The following ASXL2 variants were observed in gnomAD, a reference collection of about 807,000 sequenced individuals.
The protein encoded by ASXL2 is putative Polycomb group protein ASXL2.
A neutral mutation model predicts 122.0 loss-of-function variants in ASXL2; 23 were observed. The observed-to-expected ratio is 0.19, with a 90% CI of 0.14 to 0.27. ASXL2 has a LOEUF of 0.27. ASXL2 is among the 10% of genes least tolerant of loss of function. The probability of loss-of-function intolerance (pLI) is 1.00; values close to 1 mark genes in which losing one functional copy is unlikely to be tolerated. For missense variants in ASXL2, 1,518 were observed against 1,713.8 expected (o/e 0.89, Z 2.02); for synonymous variants, 650 against 637.0 (o/e 1.02, Z -0.31).
chr2:25,854,387 AT>A (rs1485573492), intron 1 of ASXL2, among the ~76,000 whole-genome samples: 1 of 152,066 alleles, frequency 6.6e-6, no homozygotes, highest in Non-Finnish European at 1.5e-5. Flanking sequence ...CTATCAGCCC[AT>A]TTTTTTTCAG....
At chr2:25,771,067 C>G (rs2088442731) in intron 6 of ASXL2, among the ~76,000 whole-genome samples, 1 of 152,002 alleles carries the variant, frequency 6.6e-6, no homozygotes, top group Non-Finnish European at 1.5e-5. Context: ...GAAACCCTGT[C>G]TCTACTAAAA....
At chr2:25,821,776 TAAG>T (rs2149181798) in intron 3 of ASXL2, among the ~76,000 whole-genome samples, 1 of 152,316 alleles carries the variant, frequency 6.6e-6, no homozygotes, top group East Asian at 1.9e-4. Flanking sequence ...ACTTATCAAA[TAAG>T]AAGCAGCAAG....
At chr2:25,868,012 C>T (rs2089923692) in intron 1 of ASXL2, among the ~76,000 whole-genome samples, 1 of 152,140 alleles carries the variant, frequency 6.6e-6, no homozygotes, top group Non-Finnish European at 1.5e-5. Context: ...TATTATCATA[C>T]AGAATAAAAC....
intron 5 of ASXL2, among the ~76,000 whole-genome samples, chr2:25,781,959 C>T (rs74379846): frequency 2.4e-4 from 21 of 88,366 alleles, no homozygotes; most frequent in South Asian, 4.0e-4. Flanking sequence ...ACCGCCCGGG[C>T]TTTTTTCTTT....
chr2:25,817,779 C>A (rs2089255977), intron 3 of ASXL2, among the ~76,000 whole-genome samples: 1 of 152,132 alleles, frequency 6.6e-6, no homozygotes. Context: ...AAAAGACACA[C>A]TGAATAGCAA....
chr2:25,741,549 G>A lies in ASXL2; in HGVS notation c.*480C>T, dbSNP rs1165502297. On this transcript the variant is annotated 3_prime_UTR_variant, in exon 13 of 13. Coordinates refer to ENST00000435504, the MANE Select transcript of ASXL2 (RefSeq NM_018263.6). The stretch of plus-strand genomic sequence containing the variant: ...AGGCTGAATAATCTATGAATAACCT[G>A]CGGCCAGACTGTCCAGACAAAATCA... 8.6e-6 allele frequency: 2 copies of A among 232,916 alleles called. No individual in the cohort carries two copies. Among genetic ancestry groups the A allele is most frequent in the African/African-American group, 2.2e-5 (1 of 45,206 alleles). The allele number at this position is 232,916 out of a possible 1,614,324, so 14.4% of individuals were successfully genotyped here. A position where few individuals can be genotyped will look rare whatever the true frequency, so the allele number is the denominator to read the frequency against.
At chr2:25,873,124 C>T (rs1048362863) in intron 1 of ASXL2, among the ~76,000 whole-genome samples, 14 of 152,214 alleles carry the variant, frequency 9.2e-5, no homozygotes, top group African/African-American at 3.4e-4. Flanking sequence ...CCCCAAAGTC[C>T]ATTCCATTGT....
At chr2:25,837,953 CA>C (rs34490545) in intron 2 of ASXL2, among the ~76,000 whole-genome samples, 18,540 of 65,356 alleles carry the variant, frequency 0.28, 1,220 homozygotes, top group African/African-American at 0.39. Flanking sequence ...CCTGTCTCTA[CA>C]AAAAAAAAAA....
At chr2:25,803,637 T>C (rs900364017) in intron 4 of ASXL2, among the ~76,000 whole-genome samples, 1 of 152,214 alleles carries the variant, frequency 6.6e-6, no homozygotes, top group Non-Finnish European at 1.5e-5. Context: ...TGGTTTCAGA[T>C]GAAACTGTTC....
At chr2:25,832,188 T>A (rs1207545987) in intron 3 of ASXL2, among the ~76,000 whole-genome samples, 1 of 152,156 alleles carries the variant, frequency 6.6e-6, no homozygotes, top group East Asian at 1.9e-4. Context: ...ATTTTATAAA[T>A]CACATTTCAT....
At chr2:25,834,756 G>T (rs1255846048) in intron 3 of ASXL2, among the ~76,000 whole-genome samples, 1 of 152,070 alleles carries the variant, frequency 6.6e-6, no homozygotes, top group East Asian at 1.9e-4. Flanking sequence ...AGTCAATTCA[G>T]TAAAGGATCC....
chr2:25,834,335 A>G (rs1368067006), intron 3 of ASXL2, among the ~76,000 whole-genome samples: 1 of 152,154 alleles, frequency 6.6e-6, no homozygotes, highest in Non-Finnish European at 1.5e-5. Flanking sequence ...CTTGGGTGAC[A>G]GAGTGAGACT....
intron 3 of ASXL2, chr2:25,810,504 G>T: frequency 1.3e-6 from 1 of 745,696 alleles, no homozygotes; most frequent in African/African-American, 1.7e-5. Flanking sequence ...TATGGTTCAA[G>T]GAGGCCACCT....
chr2:25,777,285 C>T lies in ASXL2; in HGVS notation c.404-5745G>A, dbSNP rs2088561453. Among the ~76,000 whole-genome samples, 2 of 151,764 alleles carry T rather than the reference C, an allele frequency of 1.3e-5. 1 individual carries two copies. On this transcript the variant is annotated intron_variant, in intron 5 of 12. Transcript: ENST00000435504. ...AAGTTTTTTTTTTAAAAGATGGGGT[C>T]TTGCTATGTTGTCCAGGCTTGTTCT...
chr2:25,742,777 C>T lies in ASXL2; in HGVS notation c.3560G>A (p.Gly1187Asp), dbSNP rs1449389053. 6.2e-7 allele frequency: 1 copy of T among 1,613,872 alleles called. No homozygotes were observed. Among genetic ancestry groups the T allele is most frequent in the Non-Finnish European group, 8.5e-7 (1 of 1,179,902 alleles). The change falls in exon 13 of 13, where the codon GGT (glycine) becomes GAT (aspartate). Residue 1187 changes from glycine to aspartate, a missense_variant. By Grantham distance (94) the Gly-to-Asp change is moderately conservative (BLOSUM62 -1). Coordinates refer to ENST00000435504, the MANE Select transcript of ASXL2 (RefSeq NM_018263.6). ...KEDDTDEEST[G>D]DEQESVTVKE... ...CACTGTGACAGATTCCTGCTCATCACCAGTACTTTCCTCATCAGTGTCATC... is the reference window on the plus strand; with the variant it reads ...CACTGTGACAGATTCCTGCTCATCATCAGTACTTTCCTCATCAGTGTCATC...
At chr2:25,869,911 C>CT (rs1185972267) in intron 1 of ASXL2, among the ~76,000 whole-genome samples, 4 of 122,458 alleles carry the variant, frequency 3.3e-5, no homozygotes, top group Non-Finnish European at 7.0e-5. Flanking sequence ...CAATGAAATA[C>CT]TAAAAAAAAA....
intron 5 of ASXL2, among the ~76,000 whole-genome samples, chr2:25,778,273 C>T (rs118039227): frequency 6.6e-6 from 1 of 152,290 alleles, no homozygotes; most frequent in East Asian, 1.9e-4. Flanking sequence ...AGACAAGTCT[C>T]TTCATAAGAG....
intron 5 of ASXL2, among the ~76,000 whole-genome samples, chr2:25,791,969 T>C (rs144210406): frequency 1.0e-3 from 154 of 152,306 alleles, no homozygotes; most frequent in Non-Finnish European, 1.9e-3. Context: ...GGAGAAGGCA[T>C]GAGTGTAACA....
In ASXL2 at chr2:25,735,732, A is replaced by G. The variant is rs764735817; in HGVS notation, c.*6297T>C. ...TGGCCTGCTTCTAATTTAGATGTTA[A>G]GAGATTTCTTGAAATTTCTATAGAC... On this transcript the variant is annotated 3_prime_UTR_variant, in exon 13 of 13. Transcript: ENST00000435504. 2 of 152,208 alleles carry G rather than the reference A, an allele frequency of 1.3e-5. No individual in the cohort carries two copies. The highest frequency in any genetic ancestry group is 2.4e-5 in the African/African-American group (1 of 41,462). 9.4% of individuals were successfully genotyped at this position (152,208 alleles called of 1,614,324 possible).
Sources: gnomAD v4.1 joint callset for allele counts (sites outside exome capture counted in the v4.1 genomes callset) on GRCh38, gnomAD v4.1.1 for gene constraint, MANE v1.5 for transcripts, NCBI Gene and HGNC (gene_info 2026-07-23, HGNC 2026-07-21) for gene names.